Variants in ARHGAP5 observed in about 807,000 individuals in gnomAD.
ARHGAP5 encodes the protein Rho GTPase activating protein 5.
Under a neutral mutation model 116.6 loss-of-function variants are expected in ARHGAP5, and 23 were observed. The ratio of observed to expected loss-of-function variants is 0.20; its 90% confidence interval spans 0.14 to 0.28. The LOEUF is 0.28. ARHGAP5 is among the 10% of genes least tolerant of loss of function. The pLI, the probability that ARHGAP5 is intolerant of heterozygous loss-of-function variation, is 1.00. For missense variants in ARHGAP5, 1,405 were observed against 1,774.8 expected (o/e 0.79, Z 3.74); for synonymous variants, 574 against 602.0 (o/e 0.95, Z 0.68).
chr14:32,144,837 C>G (rs1881302461), intron 3 of ARHGAP5, among the ~76,000 whole-genome samples: 1 of 152,124 alleles, frequency 6.6e-6, no homozygotes, highest in Non-Finnish European at 1.5e-5. Flanking sequence ...CTGAAACTTC[C>G]TATTTTTCAA....
At chr14:32,133,363 C>T (rs557185893) in intron 3 of ARHGAP5, among the ~76,000 whole-genome samples, 1 of 152,250 alleles carries the variant, frequency 6.6e-6, no homozygotes, top group South Asian at 2.1e-4. Context: ...AATGGGAGTT[C>T]ACTCATGATT....
chr14:32,132,071 A>G (rs1566678108), intron 3 of ARHGAP5, among the ~76,000 whole-genome samples: 1 of 152,228 alleles, frequency 6.6e-6, no homozygotes, highest in Non-Finnish European at 1.5e-5. Context: ...TTATAGCAGC[A>G]TGATTTATAA....
intron 2 of ARHGAP5, among the ~76,000 whole-genome samples, chr14:32,097,439 G>A (rs375603061): frequency 2.6e-5 from 4 of 152,062 alleles, no homozygotes; most frequent in African/African-American, 9.7e-5. Flanking sequence ...AACAATTCTT[G>A]GGAAAACTGC....
intron 3 of ARHGAP5, among the ~76,000 whole-genome samples, chr14:32,143,239 G>A (rs143440399): frequency 0.047 from 6,725 of 143,858 alleles, 507 homozygotes; most frequent in African/African-American, 0.16. Context: ...TGTTGTTGTT[G>A]TTATTATTAT....
At chr14:32,082,600 C>T (rs948628086) in intron 1 of ARHGAP5, among the ~76,000 whole-genome samples, 2 of 152,182 alleles carry the variant, frequency 1.3e-5, no homozygotes, top group African/African-American at 4.8e-5. Context: ...GGCTGGAGTG[C>T]AGTGGCACTC....
Position 32,092,847 on chromosome 14 carries a change from A to G in ARHGAP5, c.2178A>G (p.Gln726=), listed in dbSNP as rs61739165. ...HQGQQLANKL[Q]CPFVDVPAGT... Reference sequence around the variant, plus strand: ...GGCAGCAGTTGGCAAACAAGTTGCAATGTCCTTTTGTAGATGTACCTGCTG... The same window carrying G: ...GGCAGCAGTTGGCAAACAAGTTGCAGTGTCCTTTTGTAGATGTACCTGCTG... The change falls in exon 2 of 7, where the codon CAA becomes CAG. Residue 726 remains glutamine, a synonymous_variant. Coordinates refer to ENST00000345122, the MANE Select transcript of ARHGAP5 (RefSeq NM_001030055.2). This position sits in a 1 kb window ranked among gnomAD's most constrained non-coding sequence, Gnocchi z 4.1. 5,363 of 1,614,062 alleles carry G rather than the reference A, an allele frequency of 3.3e-3. 138 individuals carry two copies. The African/African-American group carries it at 0.056, about 17-fold the overall frequency.
intron 2 of ARHGAP5, among the ~76,000 whole-genome samples, chr14:32,116,783 A>G (rs1879623252): frequency 6.6e-6 from 1 of 152,176 alleles, no homozygotes; most frequent in South Asian, 2.1e-4. Flanking sequence ...CTGCTTCAAG[A>G]GACCAAATGA....
At chr14:32,122,033 GT>G (rs1308346943) in intron 3 of ARHGAP5, among the ~76,000 whole-genome samples, 2 of 152,150 alleles carry the variant, frequency 1.3e-5, no homozygotes, top group Non-Finnish European at 2.9e-5. Context: ...GTGGACATAT[GT>G]TTTCACCTCT....
At chr14:32,126,222 G>GA (rs1555358131) in intron 3 of ARHGAP5, among the ~76,000 whole-genome samples, 3 of 151,490 alleles carry the variant, frequency 2.0e-5, no homozygotes, top group African/African-American at 7.3e-5. Context: ...TCAGCTGTGG[G>GA]TTTTTTTTGT....
chr14:32,143,664 A>G (rs1594392612), intron 3 of ARHGAP5, among the ~76,000 whole-genome samples: 1 of 152,348 alleles, frequency 6.6e-6, no homozygotes, highest in African/African-American at 2.4e-5. Context: ...ATTTAAGGCC[A>G]TATAAAACTT....
In ARHGAP5 at chr14:32,156,660, C is replaced by T. The variant is rs1202181288; in HGVS notation, c.*1712C>T. The T allele has an allele frequency of 2.6e-5, 4 of 152,240 alleles. No individual in the cohort carries two copies. The highest frequency in any genetic ancestry group is 4.4e-5 in the Non-Finnish European group (3 of 67,786). 9.4% of individuals were successfully genotyped at this position (152,240 alleles called of 1,614,324 possible). A position where few individuals can be genotyped will look rare whatever the true frequency, so the allele number is the denominator to read the frequency against. ...AAAAAAATCCGGTAAATGTAGTATT[C>T]TTAACCTGTTCTATATTACTTATAC... On this transcript the variant is annotated 3_prime_UTR_variant, in exon 7 of 7. Coordinates refer to ENST00000345122, the MANE Select transcript of ARHGAP5 (RefSeq NM_001030055.2).
chr14:32,093,631 C>G lies in ARHGAP5; in HGVS notation c.2962C>G (p.Pro988Ala). 9 of 1,613,782 alleles carry G rather than the reference C, an allele frequency of 5.6e-6. No homozygotes were observed. The highest frequency in any genetic ancestry group is 6.8e-6 in the Non-Finnish European group (8 of 1,179,856). The change falls in exon 2 of 7, where the codon CCA becomes GCA. Residue 988 changes from proline to alanine, a missense_variant. Coordinates refer to ENST00000345122, the MANE Select transcript of ARHGAP5 (RefSeq NM_001030055.2). ...YPDSDDDTEA[P>A]PPYSPIGDDV... ...TGATTCAGATGATGACACAGAAGCA[C>G]CACCTCCTTATAGTCCAATTGGGGA...
At chr14:32,137,742 G>T (rs1029968482) in intron 3 of ARHGAP5, among the ~76,000 whole-genome samples, 2 of 152,064 alleles carry the variant, frequency 1.3e-5, no homozygotes, top group Non-Finnish European at 2.9e-5. Context: ...GGAGGCTGAG[G>T]TGGGCAGATA....
At chr14:32,118,262 G>C (rs1174360039) in intron 3 of ARHGAP5, among the ~76,000 whole-genome samples, 1 of 152,188 alleles carries the variant, frequency 6.6e-6, no homozygotes, top group Admixed American at 6.5e-5. Context: ...ACTTTGGGAG[G>C]CTGAGGCAGT....
intron 3 of ARHGAP5, among the ~76,000 whole-genome samples, chr14:32,140,417 T>A (rs956843664): frequency 6.2e-5 from 9 of 144,884 alleles, no homozygotes; most frequent in African/African-American, 2.4e-4. Flanking sequence ...CCGTCTCGAC[T>A]AAAAATACAA....
At chr14:32,097,250 G>T (rs957670387) in intron 2 of ARHGAP5, among the ~76,000 whole-genome samples, 64 of 152,246 alleles carry the variant, frequency 4.2e-4, no homozygotes, top group African/African-American at 1.5e-3. Context: ...GGATTTAATA[G>T]CAGAAAAACC....
chr14:32,114,374 G>T (rs571729588), intron 2 of ARHGAP5, among the ~76,000 whole-genome samples: 1 of 152,294 alleles, frequency 6.6e-6, no homozygotes, highest in East Asian at 1.9e-4. Flanking sequence ...TTGTGTTCCT[G>T]AGAAAGAAAA....
chr14:32,146,264 G>T lies in ARHGAP5; in HGVS notation c.3867G>T (p.Gly1289=). The stretch of plus-strand genomic sequence containing the variant: ...ATGCATATTTCTTTATTCTCTTAGG[G>T]TTATGTACCGAAGGACTCTACCGTG... ...EKCVEFIEDT[G]LCTEGLYRVS... Residue 1289 remains glycine (G), a splice_region_variant and synonymous_variant, in exon 4 of 7, where the codon GGG becomes GGT. Coordinates refer to ENST00000345122, the MANE Select transcript of ARHGAP5 (RefSeq NM_001030055.2). 3.7e-6 allele frequency: 6 copies of T among 1,607,176 alleles called. No homozygotes were observed. The highest frequency in any genetic ancestry group is 5.1e-6 in the Non-Finnish European group (6 of 1,173,884).
Position 32,092,577 on chromosome 14 carries a change from G to A in ARHGAP5, c.1908G>A (p.Pro636=), listed in dbSNP as rs768399723. The part of the protein sequence containing the change: ...DGKIYELDLR[P]VDAKSPYFLS... ...AAATTTATGAACTTGATCTTCGGCCGGTTGATGCCAAATCGCCTTACTTTT... is the reference window on the plus strand; with the variant it reads ...AAATTTATGAACTTGATCTTCGGCCAGTTGATGCCAAATCGCCTTACTTTT... The change falls in exon 2 of 7, where the codon CCG becomes CCA. Residue 636 remains proline (P), a synonymous_variant. Transcript: ENST00000345122. The surrounding 1 kb of genome is among the most constrained non-coding windows in gnomAD (Gnocchi z 4.1). 2.7e-5 allele frequency: 43 copies of A among 1,613,664 alleles called. No individual in the cohort carries two copies. Among genetic ancestry groups the A allele is most frequent in the African/African-American group, 1.1e-4 (8 of 75,004 alleles).
Sources: gnomAD v4.1 joint callset for allele counts (sites outside exome capture counted in the v4.1 genomes callset) on GRCh38, gnomAD v4.1.1 for gene constraint, Gnocchi (gnomAD v3.1) non-coding constraint, MANE v1.5 for transcripts, NCBI Gene and HGNC (gene_info 2026-07-23, HGNC 2026-07-21) for gene names.